FSIP1: variants seen among roughly 807,000 people sequenced by gnomAD.
The protein encoded by FSIP1 is fibrous sheath interacting protein 1, also known as fibrous sheath-interacting protein 1.
In FSIP1, 65 loss-of-function variants were observed where a neutral mutation model predicts 60.9. The observed-to-expected ratio is 1.07, with a 90% CI of 0.87 to 1.31. The LOEUF (loss-of-function observed/expected upper bound fraction) is 1.31, where lower values mean the gene tolerates loss of function less well. Among genes scored for constraint, FSIP1 ranks in the 40% most tolerant of loss-of-function variants. The probability of loss-of-function intolerance (pLI) is 0.00; values close to 1 mark genes in which losing one functional copy is unlikely to be tolerated. For synonymous variants in FSIP1, 209 were observed against 221.2 expected (o/e 0.94, Z 0.49); for missense variants, 675 against 665.5 (o/e 1.01, Z -0.16).
At position 39,771,970 on chromosome 15, in the gene FSIP1, T is replaced by A. The variant is rs1463429985; in HGVS notation, c.127-1360A>T. Among the ~76,000 whole-genome samples, 3 of 152,174 alleles carry A rather than the reference T, an allele frequency of 2.0e-5. No homozygotes were observed. The South Asian group carries it at 6.2e-4, about 32-fold the overall frequency. On this transcript the variant is annotated intron_variant, in intron 2 of 11. Transcript: ENST00000350221. ...AGCAGACCTTCCTCTGCGGCTGGGTTTCACATGGGGGAATAAAGAATATAC... is the reference window on the plus strand; with the variant it reads ...AGCAGACCTTCCTCTGCGGCTGGGTATCACATGGGGGAATAAAGAATATAC...
chr15:39,610,518 T>C (rs968257096), intron 11 of FSIP1, among the ~76,000 whole-genome samples: 1 of 151,928 alleles, frequency 6.6e-6, no homozygotes, highest in African/African-American at 2.4e-5. Context: ...ATACAAAAAT[T>C]TGCTGGGCAT....
intron 8 of FSIP1, among the ~76,000 whole-genome samples, chr15:39,732,338 G>A (rs1052851856): frequency 6.6e-6 from 1 of 152,174 alleles, no homozygotes; most frequent in Non-Finnish European, 1.5e-5. Flanking sequence ...TATGCATGAC[G>A]GTTGGGCATG....
chr15:39,742,550 T>C (rs1044798013), intron 5 of FSIP1, among the ~76,000 whole-genome samples: 5 of 152,194 alleles, frequency 3.3e-5, no homozygotes, highest in Non-Finnish European at 7.3e-5. Flanking sequence ...TAAAAGTGTG[T>C]CTCTGTACCC....
chr15:39,695,583 C>T lies in FSIP1; in HGVS notation c.1188+17861G>A, dbSNP rs192656133. On this transcript the variant is annotated intron_variant, in intron 10 of 11. Coordinates refer to ENST00000350221, the MANE Select transcript of FSIP1 (RefSeq NM_152597.5). ...AATATTACCATATTACTTTCATATG[C>T]AGAAGTATGACAATGGGTAGACTTC... Among the ~76,000 whole-genome samples, 532 of 152,142 alleles carry T rather than the reference C, an allele frequency of 3.5e-3. 4 individuals carry two copies. Among genetic ancestry groups the T allele is most frequent in the African/African-American group, 0.012 (509 of 41,518 alleles).
At chr15:39,651,028 G>C (rs1892845950) in intron 10 of FSIP1, among the ~76,000 whole-genome samples, 1 of 152,184 alleles carries the variant, frequency 6.6e-6, no homozygotes. Context: ...CCAGTAACTG[G>C]TCAGATGGAG....
intron 9 of FSIP1, among the ~76,000 whole-genome samples, chr15:39,715,479 T>C (rs1220195741): frequency 6.6e-6 from 1 of 152,198 alleles, no homozygotes; most frequent in Non-Finnish European, 1.5e-5. Flanking sequence ...GCCAATAGAC[T>C]GTAATTTGGG....
intron 10 of FSIP1, among the ~76,000 whole-genome samples, chr15:39,688,352 CA>C (rs1291454303): frequency 6.6e-6 from 1 of 152,184 alleles, no homozygotes; most frequent in African/African-American, 2.4e-5. Context: ...CTACCTTAAA[CA>C]TGCTCAGAAC....
At chr15:39,642,291 C>T (rs1480174941) in intron 10 of FSIP1, among the ~76,000 whole-genome samples, 1 of 152,160 alleles carries the variant, frequency 6.6e-6, no homozygotes, top group Non-Finnish European at 1.5e-5. Context: ...CAAGTTTCCC[C>T]TCTCCCACCC....
chr15:39,688,709 A>G lies in FSIP1; in HGVS notation c.1188+24735T>C, dbSNP rs1197129612. On this transcript the variant is annotated intron_variant, in intron 10 of 11. Coordinates refer to ENST00000350221, the MANE Select transcript of FSIP1 (RefSeq NM_152597.5). Reference sequence around the variant, plus strand: ...CTATGCAGAAGCACAGCCCTGTTCCACATTGAGTGTCCAAATACATACAGG... The same window carrying G: ...CTATGCAGAAGCACAGCCCTGTTCCGCATTGAGTGTCCAAATACATACAGG... Among the ~76,000 whole-genome samples, 3 of 152,194 alleles carry G rather than the reference A, an allele frequency of 2.0e-5. No individual in the cohort carries two copies. The East Asian group carries it at 5.8e-4, about 29-fold the overall frequency.
intron 10 of FSIP1, among the ~76,000 whole-genome samples, chr15:39,632,222 G>A (rs971289721): frequency 2.6e-5 from 4 of 152,104 alleles, no homozygotes; most frequent in Non-Finnish European, 4.4e-5. Flanking sequence ...CTGTCACCCA[G>A]GCTGGAGTGC....
chr15:39,721,689 G>T (rs551097264), intron 9 of FSIP1, among the ~76,000 whole-genome samples: 1 of 152,204 alleles, frequency 6.6e-6, no homozygotes, highest in Non-Finnish European at 1.5e-5. Context: ...CTTAGGGCCT[G>T]CCATACAATA....
intron 10 of FSIP1, among the ~76,000 whole-genome samples, chr15:39,671,503 C>T (rs967427810): frequency 6.6e-6 from 1 of 152,058 alleles, no homozygotes; most frequent in African/African-American, 2.4e-5. Context: ...CTGAAGGCTC[C>T]TGCAGACTGT....
At chr15:39,747,561 C>G (rs1249725828) in intron 5 of FSIP1, 1 of 152,140 alleles carries the variant, frequency 6.6e-6, no homozygotes, top group Admixed American at 6.5e-5. Context: ...ATTCCAAAAA[C>G]AATATGAGCA....
At chr15:39,604,848 TA>T (rs1250240527) in intron 11 of FSIP1, among the ~76,000 whole-genome samples, 22 of 152,350 alleles carry the variant, frequency 1.4e-4, no homozygotes, top group Admixed American at 9.1e-4. Flanking sequence ...AAAATATTTT[TA>T]ATGGAAAAGA....
intron 10 of FSIP1, among the ~76,000 whole-genome samples, chr15:39,635,013 T>C (rs768071133): frequency 1.4e-4 from 21 of 151,622 alleles, no homozygotes; most frequent in Admixed American, 6.6e-4. Flanking sequence ...AAGCAAACTG[T>C]TTATTCTCTG....
At chr15:39,699,114 C>A (rs768961989) in intron 10 of FSIP1, among the ~76,000 whole-genome samples, 3 of 152,130 alleles carry the variant, frequency 2.0e-5, no homozygotes, top group Non-Finnish European at 2.9e-5. Flanking sequence ...CACATGTCAG[C>A]GGTTTTTCTT....
chr15:39,734,314 T>C (rs1486570818), intron 8 of FSIP1, among the ~76,000 whole-genome samples: 1 of 152,208 alleles, frequency 6.6e-6, no homozygotes. Flanking sequence ...AGAAAAATAA[T>C]TCAAGGAATG....
chr15:39,657,893 G>C (rs976732952), intron 10 of FSIP1, among the ~76,000 whole-genome samples: 1 of 152,110 alleles, frequency 6.6e-6, no homozygotes, highest in Admixed American at 6.5e-5. Context: ...ACACAGGAAA[G>C]AAGTCATCAA....
intron 10 of FSIP1, among the ~76,000 whole-genome samples, chr15:39,667,855 A>G (rs1235753362): frequency 6.6e-6 from 1 of 152,220 alleles, no homozygotes; most frequent in East Asian, 1.9e-4. Context: ...GGAATTAGTG[A>G]GTTTGAAAAG....
Sources: gnomAD v4.1 joint callset for allele counts (sites outside exome capture counted in the v4.1 genomes callset) on GRCh38, gnomAD v4.1.1 for gene constraint, MANE v1.5 for transcripts, NCBI Gene and HGNC (gene_info 2026-07-23, HGNC 2026-07-21) for gene names.